KCNQ1: variants seen among roughly 807,000 people sequenced by gnomAD.
KCNQ1 encodes the protein potassium voltage-gated channel subfamily Q member 1.
In KCNQ1, 49 loss-of-function variants were observed where a neutral mutation model predicts 72.4. The ratio of observed to expected loss-of-function variants is 0.68; its 90% CI spans 0.54 to 0.86. KCNQ1 has a LOEUF of 0.86. Ranked by LOEUF, KCNQ1 falls within the 40% of genes least tolerant of loss-of-function variation. The pLI is 0.00. For synonymous variants in KCNQ1, 450 were observed against 412.6 expected (o/e 1.09, Z -1.10); for missense variants, 790 against 945.1 (o/e 0.84, Z 2.15).
Position 2,724,387 on chromosome 11 carries a change from G to T in KCNQ1, c.1515-44457G>T, listed in dbSNP as rs1186835496. Among the ~76,000 whole-genome samples the T allele has an allele frequency of 6.6e-6, 1 of 152,188 alleles. No homozygotes were observed. The highest frequency in any genetic ancestry group is 1.5e-5 in the Non-Finnish European group (1 of 68,022). On this transcript the variant is annotated intron_variant, in intron 11 of 15. Transcript: ENST00000155840. This position sits in a 1 kb window ranked among gnomAD's most constrained non-coding sequence, Gnocchi z 6.8. The stretch of plus-strand genomic sequence containing the variant: ...GTTTCTGCACAGTGGAATGGAGCTG[G>T]CAGCCAGGGTCCCTGTCCCGCCAGC...
intron 11 of KCNQ1, among the ~76,000 whole-genome samples, chr11:2,705,003 C>T (rs2283198): frequency 0.026 from 4,013 of 152,156 alleles, 119 homozygotes; most frequent in East Asian, 0.089. Context: ...TGTCCATTGC[C>T]GTCTTAGCTA....
In KCNQ1 at chr11:2,768,362, T is replaced by C. The variant is rs1332993328; in HGVS notation, c.1515-482T>C. Among the ~76,000 whole-genome samples, 1 of 152,204 alleles carries C rather than the reference T, an allele frequency of 6.6e-6. No individual in the cohort carries two copies. The highest frequency in any genetic ancestry group is 1.5e-5 in the Non-Finnish European group (1 of 68,026). On this transcript the variant is annotated intron_variant, in intron 11 of 15. Transcript: ENST00000155840. The surrounding 1 kb of genome is among the most constrained non-coding windows in gnomAD (Gnocchi z 6.7). Reference sequence around the variant, plus strand: ...GGCTCTGGTGGCAACTTTCCCTTGTTAATTTGTCCTGTAGCCCCTACTTTC... The same window carrying C: ...GGCTCTGGTGGCAACTTTCCCTTGTCAATTTGTCCTGTAGCCCCTACTTTC...
rs1248632850 is a variant in KCNQ1 at position 2,602,699 on chromosome 11, G to A, written c.1393+13845G>A. Among the ~76,000 whole-genome samples the A allele has an allele frequency of 6.6e-6, 1 of 152,116 alleles. No individual in the cohort carries two copies. The highest frequency in any genetic ancestry group is 1.5e-5 in the Non-Finnish European group (1 of 68,006). On this transcript the variant is annotated intron_variant, in intron 10 of 15. Coordinates refer to ENST00000155840, the MANE Select transcript of KCNQ1 (RefSeq NM_000218.3). This position sits in a 1 kb window ranked among gnomAD's most constrained non-coding sequence, Gnocchi z 4.8. ...GATGATACTGAACATCTTTTCATGT[G>A]CCTGTTTGCCATTTTTGTATTCTAT...
chr11:2,632,559 T>C, intron 10 of KCNQ1: 1 of 398,354 alleles, frequency 2.5e-6, no homozygotes, highest in Non-Finnish European at 4.4e-6. Context: ...ATTGTAGATA[T>C]TTATGGGATA....
At position 2,464,523 on chromosome 11, in the gene KCNQ1, T is replaced by C. The variant is rs1846324414; in HGVS notation, c.386+19039T>C. 6.6e-6 allele frequency among the ~76,000 whole-genome samples: 1 copy of C among 151,754 alleles called. No homozygotes were observed. The highest frequency in any genetic ancestry group is 6.6e-5 in the Admixed American group (1 of 15,256). ...GGTGCACTGTGGTCCTGGGTCCACA[T>C]GGTGCTAGGGTCCCATGGGCTCCTG... On this transcript the variant is annotated intron_variant, in intron 1 of 15. Coordinates refer to ENST00000155840, the MANE Select transcript of KCNQ1 (RefSeq NM_000218.3). The surrounding 1 kb of genome is among the most constrained non-coding windows in gnomAD (Gnocchi z 5.0).
In KCNQ1 at chr11:2,678,219, CT is replaced by C. The variant is rs1190427885; in HGVS notation, c.1514+16142del. On this transcript the variant is annotated intron_variant, in intron 11 of 15. Transcript: ENST00000155840. This position sits in a 1 kb window ranked among gnomAD's most constrained non-coding sequence, Gnocchi z 4.9. ...ATTTCACATAGTCAGCTGTGTCAGT[CT>C]TTTATGGTTTGAGGTCCTTATCTTA... 2 of 398,184 alleles carry C rather than the reference CT, an allele frequency of 5.0e-6. No individual in the cohort carries two copies. The highest frequency in any genetic ancestry group is 8.9e-6 in the Non-Finnish European group (2 of 225,950). The allele number at this position is 398,184 out of a possible 1,614,324, so 24.7% of individuals were successfully genotyped here.
At chr11:2,801,639 C>T (rs1488792264) in intron 15 of KCNQ1, among the ~76,000 whole-genome samples, 2 of 152,166 alleles carry the variant, frequency 1.3e-5, no homozygotes, top group Non-Finnish European at 2.9e-5. Flanking sequence ...CGTCTCCAAA[C>T]ACAGTCACAT....
At chr11:2,553,818 T>A (rs1305037443) in intron 2 of KCNQ1, among the ~76,000 whole-genome samples, 2 of 151,956 alleles carry the variant, frequency 1.3e-5, no homozygotes, top group Non-Finnish European at 2.9e-5. Flanking sequence ...CAGGCTCAAG[T>A]GATTCTCCTG....
chr11:2,583,599 G>A (rs1201252009), intron 7 of KCNQ1, 54 bp downstream of exon 7: 36 of 1,279,844 alleles, frequency 2.8e-5, no homozygotes, highest in Non-Finnish European at 1.1e-6. Context: ...TGGGGTCCTG[G>A]GGTGGCTGCA....
At position 2,464,729 on chromosome 11, in the gene KCNQ1, A is replaced by G. The variant is rs1846327349; in HGVS notation, c.386+19245A>G. ...GTTGGACTCTGGGATGCTGGTGGGA[A>G]GAACAGTCTGGGCGAGGAGGAAAGG... On this transcript the variant is annotated intron_variant, in intron 1 of 15. Coordinates refer to ENST00000155840, the MANE Select transcript of KCNQ1 (RefSeq NM_000218.3). The surrounding 1 kb of genome is among the most constrained non-coding windows in gnomAD (Gnocchi z 5.0). 6.6e-6 allele frequency among the ~76,000 whole-genome samples: 1 copy of G among 152,156 alleles called. No homozygotes were observed. The highest frequency in any genetic ancestry group is 2.4e-5 in the African/African-American group (1 of 41,434).
At chr11:2,810,995 C>T (rs112466472) in intron 15 of KCNQ1, among the ~76,000 whole-genome samples, 2,780 of 152,312 alleles carry the variant, frequency 0.018, 74 homozygotes, top group African/African-American at 0.063. Context: ...CAAGGACTCC[C>T]GCCTTCCCAG....
intron 11 of KCNQ1, chr11:2,681,765 C>G (rs919102904): frequency 2.5e-6 from 1 of 398,368 alleles, no homozygotes. Context: ...TGTGGGGGCC[C>G]TGGGACCTGG....
intron 10 of KCNQ1, chr11:2,609,761 CATT>C: frequency 2.5e-6 from 1 of 398,130 alleles, no homozygotes; most frequent in Admixed American, 4.4e-5. Flanking sequence ...GACATTTTAT[CATT>C]ATGAGATATT....
At chr11:2,529,452 T>C (rs943648681) in intron 2 of KCNQ1, among the ~76,000 whole-genome samples, 1 of 151,992 alleles carries the variant, frequency 6.6e-6, no homozygotes, top group African/African-American at 2.4e-5. Context: ...ATCTCGGTGG[T>C]CTCCAGGAGC....
rs1396517762 is a variant in KCNQ1 at position 2,463,048 on chromosome 11, G to C, written c.386+17564G>C. Reference sequence around the variant, plus strand: ...GGCCCAGGGAAGTGGGGCCAGTCGGGGGTCCTCAGGGGTCCTTCAGGGATA... The same window carrying C: ...GGCCCAGGGAAGTGGGGCCAGTCGGCGGTCCTCAGGGGTCCTTCAGGGATA... On this transcript the variant is annotated intron_variant, in intron 1 of 15. Transcript: ENST00000155840. This position sits in a 1 kb window ranked among gnomAD's most constrained non-coding sequence, Gnocchi z 7.0. 2.0e-5 allele frequency among the ~76,000 whole-genome samples: 3 copies of C among 152,142 alleles called. No homozygotes were observed. Among genetic ancestry groups the C allele is most frequent in the African/African-American group, 7.2e-5 (3 of 41,414 alleles).
intron 15 of KCNQ1, among the ~76,000 whole-genome samples, chr11:2,807,367 C>T (rs994575304): frequency 6.1e-4 from 93 of 152,264 alleles, no homozygotes; most frequent in African/African-American, 2.2e-3. Context: ...CTTTGATGTC[C>T]GGGACCAGAT....
rs2075870 is a variant in KCNQ1, at chr11:2,768,789, G to T, written c.1515-55G>T. On this transcript the variant is annotated intron_variant, in intron 11 of 15. Transcript: ENST00000155840. This position sits in a 1 kb window ranked among gnomAD's most constrained non-coding sequence, Gnocchi z 6.7. ...CCTCAGGCAGTGCAGGGGCAGTGAGGGGATGACCAGCACAGGGTGGCCACT... is the reference window on the plus strand; with the variant it reads ...CCTCAGGCAGTGCAGGGGCAGTGAGTGGATGACCAGCACAGGGTGGCCACT... 4.4e-6 allele frequency: 6 copies of T among 1,373,358 alleles called. No individual in the cohort carries two copies. The highest frequency in any genetic ancestry group is 6.2e-6 in the Non-Finnish European group (6 of 960,358). The allele number at this position is 1,373,358 out of a possible 1,614,324, so 85.1% of individuals were successfully genotyped here.
Position 2,651,645 on chromosome 11 carries a change from C to G in KCNQ1, c.1394-10316C>G. 2.5e-6 allele frequency: 1 copy of G among 398,726 alleles called. No homozygotes were observed. Among genetic ancestry groups the G allele is most frequent in the Non-Finnish European group, 4.4e-6 (1 of 226,112 alleles). 24.7% of individuals were successfully genotyped at this position (398,726 alleles called of 1,614,324 possible). A position where few individuals can be genotyped will look rare whatever the true frequency, so the allele number is the denominator to read the frequency against. ...TGCCTGCCCCACCTGGGGTCTCTGT[C>G]TCTCCCACAGCTCACTGACATTAGC... On this transcript the variant is annotated intron_variant, in intron 10 of 15. Coordinates refer to ENST00000155840, the MANE Select transcript of KCNQ1 (RefSeq NM_000218.3). This position sits in a 1 kb window ranked among gnomAD's most constrained non-coding sequence, Gnocchi z 6.1.
Position 2,595,705 on chromosome 11 carries a change from G to A in KCNQ1, c.1393+6851G>A, listed in dbSNP as rs1402024899. ...CCTCTGATGGAGATGTACAAGATTA[G>A]TGTTGTTCTTATGGCTGCTAACACA... On this transcript the variant is annotated intron_variant, in intron 10 of 15. Coordinates refer to ENST00000155840, the MANE Select transcript of KCNQ1 (RefSeq NM_000218.3). The surrounding 1 kb of genome is among the most constrained non-coding windows in gnomAD (Gnocchi z 5.0). 6.7e-6 allele frequency among the ~76,000 whole-genome samples: 1 copy of A among 149,828 alleles called. No individual in the cohort carries two copies. Among genetic ancestry groups the A allele is most frequent in the Non-Finnish European group, 1.5e-5 (1 of 67,784 alleles).
Sources: allele counts gnomAD v4.1 joint callset (sites outside exome capture counted in the v4.1 genomes callset), GRCh38; gene constraint gnomAD v4.1.1; non-coding constraint Gnocchi (gnomAD v3.1); transcripts MANE v1.5; gene names NCBI Gene and HGNC (gene_info 2026-07-23, HGNC 2026-07-21).